PPHLN1: variants seen among roughly 807,000 people sequenced by gnomAD.
PPHLN1 encodes periphilin-1.
In PPHLN1, 29 loss-of-function variants were observed where a neutral mutation model predicts 51.3. The observed-to-expected ratio is 0.57, with a 90% CI of 0.42 to 0.77. The LOEUF (loss-of-function observed/expected upper bound fraction) is 0.77. Ranked by LOEUF, PPHLN1 falls within the 30% of genes least tolerant of loss-of-function variation. The pLI is 0.00. For synonymous variants in PPHLN1, 147 were observed against 147.8 expected (o/e 0.99, Z 0.04); for missense variants, 436 against 438.4 (o/e 0.99, Z 0.05).
At chr12:42,365,525 T>A (rs552103096) in intron 4 of PPHLN1, among the ~76,000 whole-genome samples, 3 of 152,286 alleles carry the variant, frequency 2.0e-5, no homozygotes, top group South Asian at 2.1e-4. Flanking sequence ...TTGACTGATG[T>A]GAGGGGCGGG....
chr12:42,354,445 AG>A (rs2073804554), intron 3 of PPHLN1, among the ~76,000 whole-genome samples: 1 of 152,112 alleles, frequency 6.6e-6, no homozygotes, highest in African/African-American at 2.4e-5. Flanking sequence ...CCTGAACTCA[AG>A]TGATACACCC....
At chr12:42,444,811 T>C (rs1593073319), downstream of PPHLN1, 1 of 516,916 alleles carries the variant, frequency 1.9e-6, no homozygotes, top group Middle Eastern at 5.1e-4. Flanking sequence ...TCTGTAGTTA[T>C]TCCTACAAAG....
At chr12:42,420,640 A>C (rs1053433852) in intron 9 of PPHLN1, among the ~76,000 whole-genome samples, 1 of 133,218 alleles carries the variant, frequency 7.5e-6, no homozygotes, top group Non-Finnish European at 1.6e-5. Flanking sequence ...CCAGCTACAT[A>C]TCCTTCCTTC....
At chr12:42,445,292 T>C (rs147853996), downstream of PPHLN1, 1 of 589,494 alleles carries the variant, frequency 1.7e-6, no homozygotes, top group Non-Finnish European at 3.0e-6. Context: ...GAAACTTAAC[T>C]AAACAATGTC....
Position 42,431,748 on chromosome 12 carries a change from T to G in PPHLN1, c.910-9567T>G, listed in dbSNP as rs943582820. On this transcript the variant is annotated intron_variant, in intron 9 of 9. Coordinates refer to ENST00000358314, the MANE Select transcript of PPHLN1 (RefSeq NM_201439.2). ...AATCTTTTCTTCTCCTGGAGTATGC[T>G]GTAGCTTAGAAATGTCATTGCCAGA... The G allele has an allele frequency of 4.8e-6, 5 of 1,034,478 alleles. No homozygotes were observed. In the African/African-American group the frequency reaches 7.8e-5, roughly 16 times the overall value. 64.1% of individuals were successfully genotyped at this position (1,034,478 alleles called of 1,614,324 possible).
chr12:42,363,331 TAA>T (rs11443075), intron 4 of PPHLN1, among the ~76,000 whole-genome samples: 5 of 151,112 alleles, frequency 3.3e-5, no homozygotes, highest in South Asian at 2.1e-4. Flanking sequence ...TTAATTAATT[TAA>T]AAAAAAATTT....
intron 8 of PPHLN1, among the ~76,000 whole-genome samples, chr12:42,395,550 A>G (rs1185458224): frequency 1.3e-5 from 2 of 152,128 alleles, no homozygotes; most frequent in African/African-American, 4.8e-5. Flanking sequence ...CTATTGTTAA[A>G]TAGTTACTCA....
chr12:42,330,680 C>G (rs982904574), intron 1 of PPHLN1, among the ~76,000 whole-genome samples: 8 of 152,174 alleles, frequency 5.3e-5, no homozygotes, highest in Admixed American at 2.0e-4. Flanking sequence ...CAAGGCAAAA[C>G]AATTGTTCAG....
chr12:42,396,175 A>G (rs1185117621), intron 8 of PPHLN1, among the ~76,000 whole-genome samples: 1 of 152,166 alleles, frequency 6.6e-6, no homozygotes, highest in Non-Finnish European at 1.5e-5. Flanking sequence ...AGAGATTTTA[A>G]TTTATTATTA....
intron 9 of PPHLN1, among the ~76,000 whole-genome samples, chr12:42,402,520 C>T (rs534925616): frequency 6.6e-6 from 1 of 152,248 alleles, no homozygotes; most frequent in East Asian, 1.9e-4. Context: ...ACTAGCTTTT[C>T]TTCGCTTTTC....
At chr12:42,445,832 G>A, downstream of PPHLN1, 3 of 988,724 alleles carry the variant, frequency 3.0e-6, no homozygotes, top group Non-Finnish European at 4.3e-6. Flanking sequence ...ATTTCAGTCA[G>A]CTATAGAAAA....
At chr12:42,445,055 A>G (rs774576381), downstream of PPHLN1, 1 of 702,330 alleles carries the variant, frequency 1.4e-6, no homozygotes, top group South Asian at 1.5e-5. Flanking sequence ...AGAACCTTGA[A>G]ACAGCCCTCA....
intron 9 of PPHLN1, among the ~76,000 whole-genome samples, chr12:42,436,021 C>G (rs2082449371): frequency 6.6e-6 from 1 of 152,192 alleles, no homozygotes; most frequent in Non-Finnish European, 1.5e-5. Flanking sequence ...TCACATATGG[C>G]TAGTGGCTAC....
At chr12:42,357,564 C>T (rs1231961132) in intron 4 of PPHLN1, among the ~76,000 whole-genome samples, 1 of 152,100 alleles carries the variant, frequency 6.6e-6, no homozygotes, top group Non-Finnish European at 1.5e-5. Flanking sequence ...AAAAACATGA[C>T]ATTGGAAGCT....
intron 2 of PPHLN1, among the ~76,000 whole-genome samples, chr12:42,337,455 C>T (rs1190639522): frequency 1.3e-5 from 2 of 151,748 alleles, no homozygotes; most frequent in African/African-American, 4.8e-5. Flanking sequence ...ACCACCACAC[C>T]TGGTTAATTT....
intron 2 of PPHLN1, chr12:42,344,014 T>A (rs1205117786): frequency 6.4e-6 from 2 of 314,944 alleles, no homozygotes; most frequent in African/African-American, 4.6e-5. Flanking sequence ...CCAGCCTGTG[T>A]AATAGAATAT....
chr12:42,381,891 CTT>C (rs1379148331), intron 5 of PPHLN1, among the ~76,000 whole-genome samples: 1 of 152,176 alleles, frequency 6.6e-6, no homozygotes, highest in Non-Finnish European at 1.5e-5. Flanking sequence ...CTTGATGAGA[CTT>C]GCACTCAAAT....
intron 5 of PPHLN1, among the ~76,000 whole-genome samples, chr12:42,381,963 A>G (rs974265081): frequency 2.0e-5 from 3 of 152,210 alleles, no homozygotes; most frequent in Non-Finnish European, 2.9e-5. Flanking sequence ...TTTGCAAGAC[A>G]TAGCCCCTAA....
intron 3 of PPHLN1, 48 bp from the exon 4 acceptor site, chr12:42,355,113 G>T: frequency 6.4e-7 from 1 of 1,570,832 alleles, no homozygotes; most frequent in African/African-American, 1.3e-5. Context: ...TGTCCCACTT[G>T]TCCAAAATAA....
Sources: allele counts gnomAD v4.1 joint callset (sites outside exome capture counted in the v4.1 genomes callset), GRCh38; gene constraint gnomAD v4.1.1; transcripts MANE v1.5; gene names NCBI Gene and HGNC (gene_info 2026-07-23, HGNC 2026-07-21).